Variants in TGFB1 observed in about 807,000 individuals in gnomAD.
TGFB1 encodes the protein transforming growth factor beta 1.
A neutral mutation model predicts 43.8 loss-of-function variants in TGFB1; 19 were observed. That is an observed-to-expected ratio of 0.43 (90% CI 0.30 to 0.64). The LOEUF is 0.64. Among genes scored for constraint, TGFB1 ranks in the 30% least tolerant of loss-of-function variants. The pLI is 0.11. For missense variants in TGFB1, 445 were observed against 529.8 expected (o/e 0.84, Z 1.57); for synonymous variants, 221 against 236.3 (o/e 0.94, Z 0.60).
chr19:41,340,406 C>G (rs577136382), intron 5 of TGFB1, among the ~76,000 whole-genome samples: 1 of 151,614 alleles, frequency 6.6e-6, no homozygotes, highest in Non-Finnish European at 1.5e-5. Flanking sequence ...TAATCCCAGC[C>G]GAGTAGCTGG....
chr19:41,344,544 C>G (rs1214519989), intron 3 of TGFB1, among the ~76,000 whole-genome samples: 1 of 152,198 alleles, frequency 6.6e-6, no homozygotes, highest in Non-Finnish European at 1.5e-5. Flanking sequence ...TCCTTGGCAT[C>G]ACCCATCACA....
chr19:41,340,251 CTTTTTTTTTTT>C (rs3061188), intron 5 of TGFB1, among the ~76,000 whole-genome samples: 19 of 125,214 alleles, frequency 1.5e-4, no homozygotes, highest in Non-Finnish European at 2.3e-4. Context: ...CACTTTCTTT[CTTTTTTTTTTT>C]TTTTTTTTTT....
chr19:41,334,110 C>T (rs1356107070), intron 5 of TGFB1, among the ~76,000 whole-genome samples: 2 of 152,224 alleles, frequency 1.3e-5, no homozygotes, highest in Admixed American at 6.5e-5. Flanking sequence ...TGCAGTGGCT[C>T]ACGCCTGTAA....
chr19:41,331,006 G>C lies in TGFB1; in HGVS notation c.*46C>G. 1 of 1,468,750 alleles carries C rather than the reference G, an allele frequency of 6.8e-7. No homozygotes were observed. Among genetic ancestry groups the C allele is most frequent in the Non-Finnish European group, 9.0e-7 (1 of 1,108,364 alleles). 91.0% of individuals were successfully genotyped at this position (1,468,750 alleles called of 1,614,324 possible). On this transcript the variant is annotated 3_prime_UTR_variant, in exon 7 of 7. Coordinates refer to ENST00000221930, the MANE Select transcript of TGFB1 (RefSeq NM_000660.7). Reference sequence around the variant, plus strand: ...ATGGGCAAGGCAGCGGGGGCGGGGCGGGGTGGGGCCGGGCCTGCCGGGGCG... The same window carrying C: ...ATGGGCAAGGCAGCGGGGGCGGGGCCGGGTGGGGCCGGGCCTGCCGGGGCG...
rs2038058076 is a variant in TGFB1, at chr19:41,341,750, C to A, written c.860+133G>T. On this transcript the variant is annotated intron_variant, in intron 5 of 6. Transcript: ENST00000221930. ...TTACACCCAGACCTCATCCCCTGAG[C>A]CCTCCAAGCTAAAGGAGACAGATGC... is the stretch of plus-strand genomic sequence containing the variant. 7.7e-6 allele frequency: 9 copies of A among 1,164,178 alleles called. No individual in the cohort carries two copies. In the South Asian group the frequency reaches 1.2e-4, roughly 15 times the overall value. 72.1% of individuals were successfully genotyped at this position (1,164,178 alleles called of 1,614,324 possible).
Position 41,353,860 on chromosome 19 carries a change from T to G in TGFB1, c.-816A>C. 6.2e-6 allele frequency: 1 copy of G among 160,818 alleles called. No individual in the cohort carries two copies. 10.0% of individuals were successfully genotyped at this position (160,818 alleles called of 1,614,324 possible). A position where few individuals can be genotyped will look rare whatever the true frequency, so the allele number is the denominator to read the frequency against. ...CTGCCCCCGGCCGGGGCCCTCGCTG[T>G]CTGGCTGCTCCGCGGAGGGAGGTGG... On this transcript the variant is annotated 5_prime_UTR_variant, in exon 1 of 7. Transcript: ENST00000221930. This position sits in a 1 kb window ranked among gnomAD's most constrained non-coding sequence, Gnocchi z 5.9.
In TGFB1 at chr19:41,353,290, G is replaced by C. The variant is rs2038239075; in HGVS notation, c.-246C>G. 4 of 503,818 alleles carry C rather than the reference G, an allele frequency of 7.9e-6. No homozygotes were observed. The highest frequency in any genetic ancestry group is 1.4e-5 in the Non-Finnish European group (4 of 288,550). 31.2% of individuals were successfully genotyped at this position (503,818 alleles called of 1,614,324 possible). A position where few individuals can be genotyped will look rare whatever the true frequency, so the allele number is the denominator to read the frequency against. Reference sequence around the variant, plus strand: ...ACCAGAAGGTGGGTGGTCTTGAATAGGGGATCTGTGGCAGGTCGGAGAGAG... The same window carrying C: ...ACCAGAAGGTGGGTGGTCTTGAATACGGGATCTGTGGCAGGTCGGAGAGAG... On this transcript the variant is annotated 5_prime_UTR_variant, in exon 1 of 7. Coordinates refer to ENST00000221930, the MANE Select transcript of TGFB1 (RefSeq NM_000660.7). The surrounding 1 kb of genome is among the most constrained non-coding windows in gnomAD (Gnocchi z 5.9).
At chr19:41,335,506 A>T (rs2037979007) in intron 5 of TGFB1, among the ~76,000 whole-genome samples, 1 of 152,230 alleles carries the variant, frequency 6.6e-6, no homozygotes, top group South Asian at 2.1e-4. Context: ...GGAAATGCAG[A>T]TTCTCAGGTG....
intron 3 of TGFB1, 114 bp downstream of exon 3, chr19:41,344,633 A>G: frequency 6.3e-6 from 6 of 946,500 alleles, no homozygotes; most frequent in Admixed American, 1.9e-5. Context: ...GCCAGGTCTC[A>G]GCACTTTCAC....
intron 5 of TGFB1, among the ~76,000 whole-genome samples, chr19:41,340,270 T>C (rs1205848208): frequency 1.8e-5 from 2 of 113,520 alleles, no homozygotes; most frequent in Non-Finnish European, 3.9e-5. Flanking sequence ...TTTTTTTTTT[T>C]TTTTTAGATG....
intron 3 of TGFB1, among the ~76,000 whole-genome samples, 179 bp from the exon 4 acceptor site, chr19:41,342,426 C>A (rs1364618091): frequency 6.9e-6 from 1 of 144,670 alleles, no homozygotes. Context: ...GACAAGGTCT[C>A]GCAGCCTCAA....
At chr19:41,352,592 A>T in intron 1 of TGFB1, 98 bp downstream of exon 1, 1 of 1,435,042 alleles carries the variant, frequency 7.0e-7, no homozygotes, top group Non-Finnish European at 9.6e-7. Flanking sequence ...CTCTTCCTCC[A>T]GCCAGTTTCT....
intron 3 of TGFB1, among the ~76,000 whole-genome samples, chr19:41,342,825 A>G (rs1428801232): frequency 6.6e-6 from 1 of 151,596 alleles, no homozygotes; most frequent in Non-Finnish European, 1.5e-5. Context: ...CTACACGGCT[A>G]CTTTTTAAAT....
chr19:41,352,553 A>G (rs942001685), intron 1 of TGFB1, 137 bp downstream of exon 1: 11 of 1,061,470 alleles, frequency 1.0e-5, no homozygotes, highest in Non-Finnish European at 1.5e-5. Context: ...CCCTCCCACC[A>G]TCACACGTTC....
rs776406237 is a variant in TGFB1, at chr19:41,332,173, G to A, written c.969C>T (p.Leu323=). The A allele has an allele frequency of 2.0e-5, 32 of 1,614,028 alleles. No homozygotes were observed. The highest frequency in any genetic ancestry group is 4.0e-5 in the African/African-American group (3 of 74,918). ...EPKGYHANFC[L]GPCPYIWSLD... is the part of the protein sequence containing the mutation. ...GGCTCCAAATGTAGGGGCAGGGCCCGAGGCAGAAGTTGGCATGGTAGCCCT... is the reference window on the plus strand; with the variant it reads ...GGCTCCAAATGTAGGGGCAGGGCCCAAGGCAGAAGTTGGCATGGTAGCCCT... The change falls in exon 6 of 7, where the codon CTC becomes CTT. Residue 323 remains leucine (L), a synonymous_variant. Coordinates refer to ENST00000221930, the MANE Select transcript of TGFB1 (RefSeq NM_000660.7).
intron 3 of TGFB1, among the ~76,000 whole-genome samples, chr19:41,343,943 C>CTGGACGATCATCT (rs1555754145): frequency 1.3e-5 from 2 of 151,258 alleles, no homozygotes; most frequent in African/African-American, 2.4e-5. Flanking sequence ...TCCCTGGCCT[C>CTGGACGATCATCT]CAGGCCTTTG....
chr19:41,345,912 A>G (rs1418663866), intron 2 of TGFB1, among the ~76,000 whole-genome samples: 1 of 152,114 alleles, frequency 6.6e-6, no homozygotes, highest in Non-Finnish European at 1.5e-5. Flanking sequence ...AAAAAAAAAA[A>G]AAGTCATTTT....
At chr19:41,344,076 A>G (rs557801905) in intron 3 of TGFB1, among the ~76,000 whole-genome samples, 240 of 136,220 alleles carry the variant, frequency 1.8e-3, no homozygotes, top group African/African-American at 6.6e-3. Flanking sequence ...TCGACCTCCC[A>G]GGCTCAGGTG....
rs55835439 is a variant in TGFB1 at position 41,342,516 on chromosome 19, AT to A, written c.635-270del. ...AGGCGCGTGCTACCACGCATGGCTA[AT>A]TTTTTTTTTTTTTTTGAGATGGAGT... On this transcript the variant is annotated intron_variant, in intron 3 of 6. Transcript: ENST00000221930. Among the ~76,000 whole-genome samples, 12,364 of 139,842 alleles carry A rather than the reference AT, an allele frequency of 0.088. 539 individuals are homozygous for A. The highest frequency in any genetic ancestry group is 0.11 in the African/African-American group (4,085 of 37,570). The allele number at this position is 139,842 out of a possible 152,430, so 91.7% of individuals were successfully genotyped here. A position where few individuals can be genotyped will look rare whatever the true frequency, so the allele number is the denominator to read the frequency against.
Sources: allele counts gnomAD v4.1 joint callset (sites outside exome capture counted in the v4.1 genomes callset), GRCh38; gene constraint gnomAD v4.1.1; non-coding constraint Gnocchi (gnomAD v3.1); transcripts MANE v1.5; gene names NCBI Gene and HGNC (gene_info 2026-07-23, HGNC 2026-07-21).